Variants in ATP10B observed in about 807,000 individuals in gnomAD.
The protein encoded by ATP10B is phospholipid-transporting ATPase VB.
A neutral mutation model predicts 141.2 loss-of-function variants in ATP10B; 122 were observed. That is an observed-to-expected ratio of 0.86 (90% CI 0.75 to 1.00). The LOEUF (loss-of-function observed/expected upper bound fraction) is 1.00. Among genes scored for constraint, ATP10B ranks in the 50% least tolerant of loss-of-function variants. The pLI is 0.00. For missense variants in ATP10B, 1,876 were observed against 1,825.3 expected (o/e 1.03, Z -0.51); for synonymous variants, 685 against 692.0 (o/e 0.99, Z 0.16).
At chr5:160,853,588 G>T (rs893674602), upstream of ATP10B, among the ~76,000 whole-genome samples, 2 of 152,116 alleles carry the variant, frequency 1.3e-5, no homozygotes, top group Non-Finnish European at 2.9e-5. Flanking sequence ...AGAGGCACAT[G>T]CAATTTAGGA....
chr5:160,887,320 A>G, the ATP10B span, among the ~76,000 whole-genome samples: 3 of 152,220 alleles, frequency 2.0e-5, 1 homozygote, highest in Admixed American at 2.0e-4. Flanking sequence ...TAAATGTTAT[A>G]TAAATAGTTG....
the ATP10B span, among the ~76,000 whole-genome samples, chr5:160,861,738 C>G: frequency 1.3e-5 from 2 of 151,772 alleles, no homozygotes; most frequent in Non-Finnish European, 2.9e-5. Context: ...GGTTCTCATA[C>G]CTTTTCGAAT....
intron 1 of ATP10B, among the ~76,000 whole-genome samples, chr5:160,793,712 A>G (rs1009247506): frequency 1.3e-5 from 2 of 152,218 alleles, no homozygotes; most frequent in Non-Finnish European, 2.9e-5. Context: ...AGGCCTTCAC[A>G]TTCACTCACC....
chr5:160,666,339 C>G, intron 7 of ATP10B, among the ~76,000 whole-genome samples: 1 of 152,148 alleles, frequency 6.6e-6, no homozygotes, highest in Non-Finnish European at 1.5e-5. Flanking sequence ...TTAAAAACTT[C>G]CCGTGTGATG....
intron 7 of ATP10B, among the ~76,000 whole-genome samples, chr5:160,663,026 A>T (rs1762052195): frequency 6.6e-6 from 1 of 152,240 alleles, no homozygotes; most frequent in South Asian, 2.1e-4. Flanking sequence ...CAGCCAAAAG[A>T]CACATGAAAA....
intron 2 of ATP10B, among the ~76,000 whole-genome samples, chr5:160,751,159 T>C (rs1768126360): frequency 6.6e-6 from 1 of 152,236 alleles, no homozygotes; most frequent in Non-Finnish European, 1.5e-5. Flanking sequence ...GCACCAGGCC[T>C]GAAGTGGACA....
chr5:160,818,249 A>G (rs1230690749), intron 1 of ATP10B, among the ~76,000 whole-genome samples: 2 of 152,234 alleles, frequency 1.3e-5, no homozygotes, highest in Non-Finnish European at 2.9e-5. Flanking sequence ...CAATCTACTC[A>G]TCTGACAAGG....
At chr5:160,708,897 C>T (rs917375894) in intron 3 of ATP10B, among the ~76,000 whole-genome samples, 1 of 152,122 alleles carries the variant, frequency 6.6e-6, no homozygotes, top group African/African-American at 2.4e-5. Flanking sequence ...GACTGAGATT[C>T]AGACAGTGTA....
chr5:160,599,248 T>C (rs986540282), intron 21 of ATP10B, among the ~76,000 whole-genome samples: 3 of 152,094 alleles, frequency 2.0e-5, no homozygotes, highest in Non-Finnish European at 4.4e-5. Context: ...TGCCAATAGG[T>C]TCTTAGAAAC....
chr5:160,711,733 G>C (rs1291770299), intron 3 of ATP10B, among the ~76,000 whole-genome samples: 1 of 61,012 alleles, frequency 1.6e-5, no homozygotes, highest in African/African-American at 6.1e-5. Context: ...CATTCAGAAT[G>C]ATATTGGCTG....
chr5:160,650,068 C>A (rs543693248), intron 7 of ATP10B, among the ~76,000 whole-genome samples: 1 of 151,356 alleles, frequency 6.6e-6, no homozygotes, highest in African/African-American at 2.4e-5. Flanking sequence ...AAGATCGCGC[C>A]ACTGCACTCT....
intron 13 of ATP10B, 70 bp downstream of exon 13, chr5:160,632,059 C>A: frequency 2.1e-6 from 3 of 1,440,582 alleles, no homozygotes; most frequent in Admixed American, 4.5e-5. Context: ...TTTTCTTTTT[C>A]ACATTCCAGA....
chr5:160,880,542 T>C, the ATP10B span, among the ~76,000 whole-genome samples: 1 of 152,128 alleles, frequency 6.6e-6, no homozygotes, highest in Non-Finnish European at 1.5e-5. Flanking sequence ...ACTTTAAAGC[T>C]ACAGTAATCA....
chr5:160,708,397 G>A (rs1484762295), intron 3 of ATP10B, among the ~76,000 whole-genome samples: 1 of 152,144 alleles, frequency 6.6e-6, no homozygotes, highest in Non-Finnish European at 1.5e-5. Context: ...CTAGTGAGTG[G>A]ATAATTAATT....
upstream of ATP10B, among the ~76,000 whole-genome samples, chr5:160,855,762 TGTGTA>T (rs555466993): frequency 1.3e-3 from 194 of 152,082 alleles, 1 homozygote; most frequent in African/African-American, 4.5e-3. Context: ...AGTTAAATTT[TGTGTA>T]AACTGTAATG....
the ATP10B span, among the ~76,000 whole-genome samples, chr5:160,879,522 A>C: frequency 1.4e-5 from 2 of 145,508 alleles, no homozygotes; most frequent in Non-Finnish European, 3.0e-5. Flanking sequence ...TGTACCCTAA[A>C]ACTTAAAGTA....
the ATP10B span, among the ~76,000 whole-genome samples, chr5:160,916,432 C>T: frequency 6.6e-6 from 1 of 151,442 alleles, no homozygotes; most frequent in Non-Finnish European, 1.5e-5. Flanking sequence ...GGTAAGACCC[C>T]ATAGCTTTAA....
rs11424191 is a variant in ATP10B at position 160,663,789 on chromosome 5, T to TAA, written c.675+6672_675+6673dup. 7.2e-3 allele frequency among the ~76,000 whole-genome samples: 1,091 copies of TAA among 151,146 alleles called. 8 individuals are homozygous for TAA. Among genetic ancestry groups the TAA allele is most frequent in the Non-Finnish European group, 0.012 (825 of 67,740 alleles). The stretch of plus-strand genomic sequence containing the variant: ...ATGTATCCTAAAACTTAAAGTATAA[T>TAA]AAAAAAAAATTTCCATTACAAAAAG... On this transcript the variant is annotated intron_variant, in intron 7 of 25. Transcript: ENST00000327245.
chr5:160,825,453 G>C (rs1471041517), intron 1 of ATP10B, among the ~76,000 whole-genome samples: 1 of 152,218 alleles, frequency 6.6e-6, no homozygotes, highest in Non-Finnish European at 1.5e-5. Context: ...TGCCATGTGA[G>C]ACATGCCTTT....
Sources: allele counts gnomAD v4.1 joint callset (sites outside exome capture counted in the v4.1 genomes callset), GRCh38; gene constraint gnomAD v4.1.1; transcripts MANE v1.5; gene names NCBI Gene and HGNC (gene_info 2026-07-23, HGNC 2026-07-21).